The following PNMA6A variants were observed in gnomAD, a reference collection of about 807,000 sequenced individuals.
PNMA6A encodes PNMA family member 6A.
For missense variants in PNMA6A, 8 were observed against 103.5 expected (o/e 0.08, Z 4.00); for synonymous variants, 2 against 49.3 (o/e 0.04, Z 4.02).
intron 1 of PNMA6A, 95 bp from the exon 2 acceptor site, chrX:153,072,837 GGGA>G: frequency 3.5e-5 from 1 of 28,256 alleles, no homozygotes; most frequent in South Asian, 2.5e-4. Context: ...GCGCGGCCAG[GGGA>G]GGAGGGCGGC....
chrX:153,074,753 A>AT lies in PNMA6A; in HGVS notation c.*492dup, dbSNP rs1301971712. 1.4e-5 allele frequency: 2 copies of AT among 138,706 alleles called. No individual in the cohort carries two copies. The highest frequency in any genetic ancestry group is 3.2e-5 in the Non-Finnish European group (2 of 62,524). The allele number at this position is 138,706 out of a possible 1,213,427, so 11.4% of individuals were successfully genotyped here. On this transcript the variant is annotated 3_prime_UTR_variant, in exon 2 of 2. Coordinates refer to ENST00000421798, the MANE Select transcript of PNMA6A (RefSeq NM_032882.6). ...AGTGGACACTCATCCCGTGACAGCGATGGTGACCATGACTGTGGGAGAAAG... is the reference window on the plus strand; with the variant it reads ...AGTGGACACTCATCCCGTGACAGCGATTGGTGACCATGACTGTGGGAGAAAG...
At position 153,074,546 on chromosome X, in the gene PNMA6A, G is replaced by C; in HGVS notation, c.*284G>C. 1 of 362,702 alleles carries C rather than the reference G, an allele frequency of 2.8e-6. No homozygotes were observed. The highest frequency in any genetic ancestry group is 5.1e-5 in the Admixed American group (1 of 19,714). 29.9% of individuals were successfully genotyped at this position (362,702 alleles called of 1,213,427 possible). The stretch of plus-strand genomic sequence containing the variant: ...CAGGGGCACGTGCTGTGAGCTTCCT[G>C]GGAGCCCAGGTTGTGCTCACTGCTC... On this transcript the variant is annotated 3_prime_UTR_variant, in exon 2 of 2. Coordinates refer to ENST00000421798, the MANE Select transcript of PNMA6A (RefSeq NM_032882.6).
rs2051218115 is a variant in PNMA6A, at chrX:153,074,340, C to T, written c.*78C>T. On this transcript the variant is annotated 3_prime_UTR_variant, in exon 2 of 2. Transcript: ENST00000421798. ...CGAGGGCCCCGGGGCCTCCTCTCCT[C>T]CTCTCAGGCAGCAGGGCCCTGGAGA... 1 of 668,836 alleles carries T rather than the reference C, an allele frequency of 1.5e-6. No homozygotes were observed. The highest frequency in any genetic ancestry group is 2.0e-5 in the African/African-American group (1 of 48,986). 55.1% of individuals were successfully genotyped at this position (668,836 alleles called of 1,213,427 possible).
chrX:153,074,287 C>A lies in PNMA6A; in HGVS notation c.*25C>A, dbSNP rs1477921114. 4.7e-6 allele frequency: 2 copies of A among 422,942 alleles called. No individual in the cohort carries two copies. The highest frequency in any genetic ancestry group is 4.2e-5 in the Admixed American group (1 of 23,615). 34.9% of individuals were successfully genotyped at this position (422,942 alleles called of 1,213,427 possible). On this transcript the variant is annotated 3_prime_UTR_variant, in exon 2 of 2. Transcript: ENST00000421798. The stretch of plus-strand genomic sequence containing the variant: ...GGTTGGGGCTGGGGAGGCAGCCCAG[C>A]GCGAGTCCTCCCCGGGCAAATAGGC...
chrX:153,074,463 T>A lies in PNMA6A; in HGVS notation c.*201T>A. 1 of 465,999 alleles carries A rather than the reference T, an allele frequency of 2.1e-6. No homozygotes were observed. The highest frequency in any genetic ancestry group is 4.1e-5 in the Admixed American group (1 of 24,495). 38.4% of individuals were successfully genotyped at this position (465,999 alleles called of 1,213,427 possible). Reference sequence around the variant, plus strand: ...GCCCTGCCCACCACCACCTTCCCGGTGACCCAGATGACCACATTTAATACC... The same window carrying A: ...GCCCTGCCCACCACCACCTTCCCGGAGACCCAGATGACCACATTTAATACC... On this transcript the variant is annotated 3_prime_UTR_variant, in exon 2 of 2. Coordinates refer to ENST00000421798, the MANE Select transcript of PNMA6A (RefSeq NM_032882.6).
In PNMA6A at chrX:153,074,517, G is replaced by T. The variant is rs1017908117; in HGVS notation, c.*255G>T. ...TGGGGTGGGGGGAGGCGCCCCTCCA[G>T]TGCCAGGGGCACGTGCTGTGAGCTT... is the stretch of plus-strand genomic sequence containing the variant. On this transcript the variant is annotated 3_prime_UTR_variant, in exon 2 of 2. Coordinates refer to ENST00000421798, the MANE Select transcript of PNMA6A (RefSeq NM_032882.6). The T allele has an allele frequency of 3.7e-3, 1,466 of 400,320 alleles. 22 individuals carry two copies. Among genetic ancestry groups the T allele is most frequent in the African/African-American group, 0.034 (1,361 of 39,724 alleles). 33.0% of individuals were successfully genotyped at this position (400,320 alleles called of 1,213,427 possible). A position where few individuals can be genotyped will look rare whatever the true frequency, so the allele number is the denominator to read the frequency against.
In PNMA6A at chrX:153,074,555, G is replaced by T. The variant is rs967314671; in HGVS notation, c.*293G>T. On this transcript the variant is annotated 3_prime_UTR_variant, in exon 2 of 2. Coordinates refer to ENST00000421798, the MANE Select transcript of PNMA6A (RefSeq NM_032882.6). The stretch of plus-strand genomic sequence containing the variant: ...GTGCTGTGAGCTTCCTGGGAGCCCA[G>T]GTTGTGCTCACTGCTCTCCCGTATC... 45 of 352,934 alleles carry T rather than the reference G, an allele frequency of 1.3e-4. 1 individual carries two copies. The highest frequency in any genetic ancestry group is 2.0e-4 in the Non-Finnish European group (39 of 194,039). 29.1% of individuals were successfully genotyped at this position (352,934 alleles called of 1,213,427 possible). A position where few individuals can be genotyped will look rare whatever the true frequency, so the allele number is the denominator to read the frequency against.
chrX:153,072,967 TC>T lies in PNMA6A; in HGVS notation c.-90del. On this transcript the variant is annotated 5_prime_UTR_variant, in exon 2 of 2. Coordinates refer to ENST00000421798, the MANE Select transcript of PNMA6A (RefSeq NM_032882.6). ...AGACCTGGGCTCCGACCCCAGTTCA[TC>T]CCCCCACACCCCCGCCGCCCCGTGC... The T allele has an allele frequency of 7.3e-6, 1 of 136,063 alleles. No individual in the cohort carries two copies. 11.2% of individuals were successfully genotyped at this position (136,063 alleles called of 1,213,427 possible). A position where few individuals can be genotyped will look rare whatever the true frequency, so the allele number is the denominator to read the frequency against.
Position 153,074,469 on chromosome X carries a change from A to T in PNMA6A, c.*207A>T. 4 of 466,467 alleles carry T rather than the reference A, an allele frequency of 8.6e-6. No homozygotes were observed. The highest frequency in any genetic ancestry group is 1.5e-5 in the Non-Finnish European group (4 of 268,793). 38.4% of individuals were successfully genotyped at this position (466,467 alleles called of 1,213,427 possible). ...CCCACCACCACCTTCCCGGTGACCC[A>T]GATGACCACATTTAATACCAAATGG... On this transcript the variant is annotated 3_prime_UTR_variant, in exon 2 of 2. Transcript: ENST00000421798.
At position 153,074,377 on chromosome X, in the gene PNMA6A, G is replaced by A. The variant is rs1556934082; in HGVS notation, c.*115G>A. ...CAGGGCCCTGGAGACAGGCGGAGGCGGGGCCAGGGCCGGTCCCTCACCCCA... is the reference window on the plus strand; with the variant it reads ...CAGGGCCCTGGAGACAGGCGGAGGCAGGGCCAGGGCCGGTCCCTCACCCCA... On this transcript the variant is annotated 3_prime_UTR_variant, in exon 2 of 2. Transcript: ENST00000421798. The A allele has an allele frequency of 1.4e-4, 123 of 866,355 alleles. 1 individual carries two copies. The highest frequency in any genetic ancestry group is 4.2e-4 in the Middle Eastern group (1 of 2,404). The allele number at this position is 866,355 out of a possible 1,213,427, so 71.4% of individuals were successfully genotyped here.
In PNMA6A at chrX:153,074,491, A is replaced by T; in HGVS notation, c.*229A>T. The T allele has an allele frequency of 2.7e-6, 1 of 373,644 alleles. No homozygotes were observed. The highest frequency in any genetic ancestry group is 4.8e-6 in the Non-Finnish European group (1 of 207,090). 30.8% of individuals were successfully genotyped at this position (373,644 alleles called of 1,213,427 possible). On this transcript the variant is annotated 3_prime_UTR_variant, in exon 2 of 2. Coordinates refer to ENST00000421798, the MANE Select transcript of PNMA6A (RefSeq NM_032882.6). ...CCCAGATGACCACATTTAATACCAA[A>T]TGGGGTGGGGGGAGGCGCCCCTCCA...
chrX:153,074,461 G>A lies in PNMA6A; in HGVS notation c.*199G>A. 2.1e-6 allele frequency: 1 copy of A among 481,728 alleles called. No individual in the cohort carries two copies. Among genetic ancestry groups the A allele is most frequent in the Non-Finnish European group, 3.5e-6 (1 of 281,817 alleles). The allele number at this position is 481,728 out of a possible 1,213,427, so 39.7% of individuals were successfully genotyped here. ...GGGCCCTGCCCACCACCACCTTCCC[G>A]GTGACCCAGATGACCACATTTAATA... On this transcript the variant is annotated 3_prime_UTR_variant, in exon 2 of 2. Transcript: ENST00000421798.
Position 153,074,290 on chromosome X carries a change from G to A in PNMA6A, c.*28G>A, listed in dbSNP as rs2051217520. ...TGGGGCTGGGGAGGCAGCCCAGCGCGAGTCCTCCCCGGGCAAATAGGCTCC... is the reference window on the plus strand; with the variant it reads ...TGGGGCTGGGGAGGCAGCCCAGCGCAAGTCCTCCCCGGGCAAATAGGCTCC... On this transcript the variant is annotated 3_prime_UTR_variant, in exon 2 of 2. Coordinates refer to ENST00000421798, the MANE Select transcript of PNMA6A (RefSeq NM_032882.6). The A allele has an allele frequency of 2.4e-6, 1 of 424,978 alleles. No individual in the cohort carries two copies. Among genetic ancestry groups the A allele is most frequent in the Admixed American group, 4.2e-5 (1 of 23,730 alleles). The allele number at this position is 424,978 out of a possible 1,213,427, so 35.0% of individuals were successfully genotyped here.
In PNMA6A at chrX:153,074,583, G is replaced by T; in HGVS notation, c.*321G>T. The T allele has an allele frequency of 3.5e-6, 1 of 288,163 alleles. No homozygotes were observed. The highest frequency in any genetic ancestry group is 7.4e-5 in the East Asian group (1 of 13,537). The allele number at this position is 288,163 out of a possible 1,213,427, so 23.7% of individuals were successfully genotyped here. A position where few individuals can be genotyped will look rare whatever the true frequency, so the allele number is the denominator to read the frequency against. ...TGTGCTCACTGCTCTCCCGTATCGTGAGCACCACCTCTGCTTTCCCTGCGT... is the reference window on the plus strand; with the variant it reads ...TGTGCTCACTGCTCTCCCGTATCGTTAGCACCACCTCTGCTTTCCCTGCGT... On this transcript the variant is annotated 3_prime_UTR_variant, in exon 2 of 2. Transcript: ENST00000421798.
Position 153,074,443 on chromosome X carries a change from G to A in PNMA6A, c.*181G>A. 1.9e-6 allele frequency: 1 copy of A among 517,678 alleles called. No homozygotes were observed. Among genetic ancestry groups the A allele is most frequent in the Non-Finnish European group, 3.2e-6 (1 of 313,260 alleles). 42.7% of individuals were successfully genotyped at this position (517,678 alleles called of 1,213,427 possible). ...CCCCCACTTCCCCCCAAGGGGCCCT[G>A]CCCACCACCACCTTCCCGGTGACCC... On this transcript the variant is annotated 3_prime_UTR_variant, in exon 2 of 2. Transcript: ENST00000421798.
In PNMA6A at chrX:153,074,574, C is replaced by T. The variant is rs928001574; in HGVS notation, c.*312C>T. On this transcript the variant is annotated 3_prime_UTR_variant, in exon 2 of 2. Coordinates refer to ENST00000421798, the MANE Select transcript of PNMA6A (RefSeq NM_032882.6). ...AGCCCAGGTTGTGCTCACTGCTCTC[C>T]CGTATCGTGAGCACCACCTCTGCTT... 3 of 310,340 alleles carry T rather than the reference C, an allele frequency of 9.7e-6. No individual in the cohort carries two copies. Among genetic ancestry groups the T allele is most frequent in the Admixed American group, 1.2e-4 (2 of 17,258 alleles). 25.6% of individuals were successfully genotyped at this position (310,340 alleles called of 1,213,427 possible).
At position 153,074,545 on chromosome X, in the gene PNMA6A, T is replaced by C. The variant is rs1220878005; in HGVS notation, c.*283T>C. The C allele has an allele frequency of 8.4e-6, 3 of 359,143 alleles. No individual in the cohort carries two copies. The highest frequency in any genetic ancestry group is 1.5e-5 in the Non-Finnish European group (3 of 197,722). 29.6% of individuals were successfully genotyped at this position (359,143 alleles called of 1,213,427 possible). On this transcript the variant is annotated 3_prime_UTR_variant, in exon 2 of 2. Transcript: ENST00000421798. ...CCAGGGGCACGTGCTGTGAGCTTCCTGGGAGCCCAGGTTGTGCTCACTGCT... is the reference window on the plus strand; with the variant it reads ...CCAGGGGCACGTGCTGTGAGCTTCCCGGGAGCCCAGGTTGTGCTCACTGCT...
In PNMA6A at chrX:153,074,431, C is replaced by G. The variant is rs1361671441; in HGVS notation, c.*169C>G. On this transcript the variant is annotated 3_prime_UTR_variant, in exon 2 of 2. Transcript: ENST00000421798. ...CGGGATCGGGGCCCCCCACTTCCCC[C>G]CAAGGGGCCCTGCCCACCACCACCT... 1.6e-5 allele frequency: 9 copies of G among 554,191 alleles called. No individual in the cohort carries two copies. Among genetic ancestry groups the G allele is most frequent in the African/African-American group, 2.3e-5 (1 of 42,851 alleles). 45.7% of individuals were successfully genotyped at this position (554,191 alleles called of 1,213,427 possible).
rs781901561 is a variant in PNMA6A at position 153,074,771 on chromosome X, G to C, written c.*509G>C. 2.2e-5 allele frequency: 3 copies of C among 134,034 alleles called. No homozygotes were observed. The highest frequency in any genetic ancestry group is 9.7e-5 in the African/African-American group (3 of 30,820). The allele number at this position is 134,034 out of a possible 1,213,427, so 11.0% of individuals were successfully genotyped here. ...GACAGCGATGGTGACCATGACTGTG[G>C]GAGAAAGAACAGGACCCGGGATGGA... On this transcript the variant is annotated 3_prime_UTR_variant, in exon 2 of 2. Transcript: ENST00000421798.
Sources: gnomAD v4.1 joint callset for allele counts on GRCh38, gnomAD v4.1.1 for gene constraint, MANE v1.5 for transcripts, NCBI Gene and HGNC (gene_info 2026-07-23, HGNC 2026-07-21) for gene names.